Variants in KLHL42 observed in about 807,000 individuals in gnomAD.
The protein encoded by KLHL42 is kelch like family member 42, also known as kelch-like protein 42.
Under a neutral mutation model 32.7 loss-of-function variants are expected in KLHL42, and 27 were observed. The observed-to-expected ratio is 0.83, with a 90% CI of 0.61 to 1.14. The LOEUF (loss-of-function observed/expected upper bound fraction) is 1.14. Among genes scored for constraint, KLHL42 ranks in the 50% most tolerant of loss-of-function variants. KLHL42 has a pLI of 0.00. For missense variants in KLHL42, 491 were observed against 560.8 expected, an observed-to-expected ratio of 0.88 and a Z score of 1.26; for synonymous variants, 267 against 248.2, an observed-to-expected ratio of 1.08 and a Z score of -0.71.
Position 27,791,823 on chromosome 12 carries a change from T to G in KLHL42, c.988T>G (p.Leu330Val). 6.2e-7 allele frequency: 1 copy of G among 1,614,140 alleles called. No individual in the cohort carries two copies. The highest frequency in any genetic ancestry group is 8.5e-7 in the Non-Finnish European group (1 of 1,180,010). Residue 330 changes from leucine to valine, a missense_variant, in exon 2 of 3, where the codon TTA (leucine) becomes GTA (valine). By Grantham distance (32) the Leu-to-Val change is conservative. Transcript: ENST00000381271. ...EQDAWNFVAP[L>V]PNPLAEFSAC... is the part of the protein sequence containing the mutation. ...GGATGCGTGGAATTTTGTGGCGCCCTTACCCAATCCTCTGGCTGAGTTCTC... is the reference window on the plus strand; with the variant it reads ...GGATGCGTGGAATTTTGTGGCGCCCGTACCCAATCCTCTGGCTGAGTTCTC...
intron 1 of KLHL42, among the ~76,000 whole-genome samples, chr12:27,786,868 G>A (rs1185672877): frequency 6.6e-6 from 1 of 151,796 alleles, no homozygotes; most frequent in Non-Finnish European, 1.5e-5. Flanking sequence ...GACTACAGGT[G>A]CCCGCCACCA....
Position 27,798,233 on chromosome 12 carries a change from A to G in KLHL42, c.*67A>G, listed in dbSNP as rs944684016. ...TTTTTAAAATGTGGTGTCCCATTCCAAGGGAGACCAATTCCTAAAGGGTAA... is the reference window on the plus strand; with the variant it reads ...TTTTTAAAATGTGGTGTCCCATTCCGAGGGAGACCAATTCCTAAAGGGTAA... On this transcript the variant is annotated 3_prime_UTR_variant, in exon 3 of 3. Coordinates refer to ENST00000381271, the MANE Select transcript of KLHL42 (RefSeq NM_020782.2). 7.2e-5 allele frequency: 51 copies of G among 703,702 alleles called. No individual in the cohort carries two copies. Among genetic ancestry groups the G allele is most frequent in the African/African-American group, 7.2e-4 (41 of 56,892 alleles). The allele number at this position is 703,702 out of a possible 1,614,324, so 43.6% of individuals were successfully genotyped here.
intron 2 of KLHL42, 41 bp from the exon 3 acceptor site, chr12:27,797,674 T>C: frequency 1.5e-6 from 1 of 672,766 alleles, no homozygotes; most frequent in Non-Finnish European, 2.7e-6. Context: ...CCTAGTGGTG[T>C]TAGTGGAGGC....
Position 27,798,287 on chromosome 12 carries a change from C to T in KLHL42, c.*121C>T. ...AGGGTTAAAGTAGGTCACATATATA[C>T]AGTAGCAGCTGTAAATAAGCTTACT... On this transcript the variant is annotated 3_prime_UTR_variant, in exon 3 of 3. Transcript: ENST00000381271. 3.3e-6 allele frequency: 2 copies of T among 614,072 alleles called. No individual in the cohort carries two copies. The highest frequency in any genetic ancestry group is 2.9e-6 in the Non-Finnish European group (1 of 343,078). The allele number at this position is 614,072 out of a possible 1,614,324, so 38.0% of individuals were successfully genotyped here.
Position 27,780,356 on chromosome 12 carries a change from T to C in KLHL42, c.26T>C (p.Ile9Thr). The C allele has an allele frequency of 1.9e-6, 3 of 1,582,266 alleles. No individual in the cohort carries two copies. Residue 9 changes from isoleucine (I) to threonine (T), a missense_variant, in exon 1 of 3, where the codon ATC becomes ACC. Ile to Thr is a moderately conservative substitution (Grantham distance 89). This residue lies in a region of KLHL42 where 88 missense variants were observed against 89.0 expected (regional missense o/e 0.99). Coordinates refer to ENST00000381271, the MANE Select transcript of KLHL42 (RefSeq NM_020782.2). This position sits in a 1 kb window ranked among gnomAD's most constrained non-coding sequence, Gnocchi z 8.8. Reference protein sequence around the residue: MSAEEMVQIRLEDRCYPVS... With the variant: MSAEEMVQTRLEDRCYPVS... Reference sequence around the variant, plus strand: ...ATGTCGGCCGAGGAGATGGTGCAGATCCGCCTGGAGGACCGCTGCTACCCG... The same window carrying C: ...ATGTCGGCCGAGGAGATGGTGCAGACCCGCCTGGAGGACCGCTGCTACCCG...
Position 27,800,421 on chromosome 12 carries a change from T to G in KLHL42, c.*2255T>G. On this transcript the variant is annotated 3_prime_UTR_variant, in exon 3 of 3. Transcript: ENST00000381271. ...TTTAAGACAGACATCTAAAAAGATT[T>G]TGGTTATTCTGGGCTGCCAGCAGTA... 2 of 981,772 alleles carry G rather than the reference T, an allele frequency of 2.0e-6. No homozygotes were observed. The highest frequency in any genetic ancestry group is 2.4e-6 in the Non-Finnish European group (2 of 826,890). The allele number at this position is 981,772 out of a possible 1,614,324, so 60.8% of individuals were successfully genotyped here. A position where few individuals can be genotyped will look rare whatever the true frequency, so the allele number is the denominator to read the frequency against.
At chr12:27,784,300 A>AT (rs34586949) in intron 1 of KLHL42, among the ~76,000 whole-genome samples, 35,416 of 141,918 alleles carry the variant, frequency 0.25, 4,497 homozygotes, top group African/African-American at 0.34. Context: ...CGCCTGGCTA[A>AT]TTTTTTTTTT....
intron 2 of KLHL42, among the ~76,000 whole-genome samples, chr12:27,794,474 T>A (rs1310526870): frequency 6.6e-6 from 1 of 152,220 alleles, no homozygotes; most frequent in African/African-American, 2.4e-5. Flanking sequence ...CTTAATTACA[T>A]CTGCAAAGAC....
At position 27,797,630 on chromosome 12, in the gene KLHL42, T is replaced by C. The variant is rs993015009; in HGVS notation, c.1067-85T>C. ...GTTTTTTCTCTTTGTTACCAAATTATGCAGGCAGAGGTAGACATTTCTGTA... is the reference window on the plus strand; with the variant it reads ...GTTTTTTCTCTTTGTTACCAAATTACGCAGGCAGAGGTAGACATTTCTGTA... On this transcript the variant is annotated intron_variant, in intron 2 of 2. Coordinates refer to ENST00000381271, the MANE Select transcript of KLHL42 (RefSeq NM_020782.2). 1.7e-5 allele frequency: 11 copies of C among 656,552 alleles called. 1 individual carries two copies. In the Admixed American group the frequency reaches 2.2e-4, roughly 13 times the overall value. 40.7% of individuals were successfully genotyped at this position (656,552 alleles called of 1,614,324 possible).
intron 2 of KLHL42, 140 bp downstream of exon 2, chr12:27,792,041 G>A: frequency 1.5e-6 from 1 of 651,626 alleles, no homozygotes. Context: ...ACATCTGGAA[G>A]GAAGAGAGTT....
chr12:27,791,252 C>T (rs1036824921), intron 1 of KLHL42, among the ~76,000 whole-genome samples: 6 of 152,140 alleles, frequency 3.9e-5, no homozygotes, highest in Non-Finnish European at 7.3e-5. Context: ...CTCGCACCTG[C>T]CTGTCTCGAC....
At chr12:27,793,954 A>G (rs1002929373) in intron 2 of KLHL42, among the ~76,000 whole-genome samples, 1 of 152,258 alleles carries the variant, frequency 6.6e-6, no homozygotes, top group African/African-American at 2.4e-5. Context: ...CTAACGTAGC[A>G]TCCAGATAGG....
At chr12:27,796,416 A>G (rs1041630356) in intron 2 of KLHL42, among the ~76,000 whole-genome samples, 2 of 152,198 alleles carry the variant, frequency 1.3e-5, no homozygotes, top group Non-Finnish European at 2.9e-5. Context: ...TGTCTCCTTC[A>G]TGGATAGGAT....
At position 27,798,411 on chromosome 12, in the gene KLHL42, A is replaced by G; in HGVS notation, c.*245A>G. On this transcript the variant is annotated 3_prime_UTR_variant, in exon 3 of 3. Coordinates refer to ENST00000381271, the MANE Select transcript of KLHL42 (RefSeq NM_020782.2). ...TATGGGAGCAAATCCATCTCCAAACATGATACTCTTGGGCCAATGACGGAT... is the reference window on the plus strand; with the variant it reads ...TATGGGAGCAAATCCATCTCCAAACGTGATACTCTTGGGCCAATGACGGAT... 2.2e-6 allele frequency: 1 copy of G among 458,142 alleles called. No homozygotes were observed. The highest frequency in any genetic ancestry group is 2.7e-5 in the South Asian group (1 of 37,698). 28.4% of individuals were successfully genotyped at this position (458,142 alleles called of 1,614,324 possible). A position where few individuals can be genotyped will look rare whatever the true frequency, so the allele number is the denominator to read the frequency against.
intron 1 of KLHL42, among the ~76,000 whole-genome samples, chr12:27,783,954 C>T (rs1452030238): frequency 6.6e-6 from 1 of 152,078 alleles, no homozygotes; most frequent in African/African-American, 2.4e-5. Flanking sequence ...TTAGCCCTTC[C>T]CTTATTTATG....
intron 1 of KLHL42, among the ~76,000 whole-genome samples, chr12:27,788,483 T>C (rs2062182716): frequency 6.6e-6 from 1 of 152,248 alleles, no homozygotes; most frequent in South Asian, 2.1e-4. Context: ...ATGTAGCTAC[T>C]GTTAATCCTT....
At chr12:27,792,762 A>C (rs1371716159) in intron 2 of KLHL42, among the ~76,000 whole-genome samples, 3 of 152,158 alleles carry the variant, frequency 2.0e-5, no homozygotes, top group Non-Finnish European at 4.4e-5. Flanking sequence ...ACCTCAGGTG[A>C]TCCACCTGCC....
Position 27,798,345 on chromosome 12 carries a change from G to A in KLHL42, c.*179G>A. The stretch of plus-strand genomic sequence containing the variant: ...ATTACTTGAAAACTGGTGGAAAAAA[G>A]AGACCAACTTTGTTATTTTTTAAAT... On this transcript the variant is annotated 3_prime_UTR_variant, in exon 3 of 3. Coordinates refer to ENST00000381271, the MANE Select transcript of KLHL42 (RefSeq NM_020782.2). 1 of 545,942 alleles carries A rather than the reference G, an allele frequency of 1.8e-6. No individual in the cohort carries two copies. Among genetic ancestry groups the A allele is most frequent in the Non-Finnish European group, 3.2e-6 (1 of 310,240 alleles). The allele number at this position is 545,942 out of a possible 1,614,324, so 33.8% of individuals were successfully genotyped here.
intron 1 of KLHL42, among the ~76,000 whole-genome samples, chr12:27,790,785 C>T (rs931104368): frequency 1.6e-4 from 25 of 152,310 alleles, no homozygotes; most frequent in African/African-American, 5.1e-4. Context: ...TGTCTTATAA[C>T]TATAACCCTA....
Sources: gnomAD v4.1 joint callset for allele counts (sites outside exome capture counted in the v4.1 genomes callset) on GRCh38, gnomAD v4.1.1 for gene constraint, gnomAD v4.1.1 regional missense constraint, Gnocchi (gnomAD v3.1) non-coding constraint, MANE v1.5 for transcripts, NCBI Gene and HGNC (gene_info 2026-07-23, HGNC 2026-07-21) for gene names.